The following PLXNA1 variants were observed in gnomAD, a reference collection of about 807,000 sequenced individuals.
PLXNA1 encodes the protein plexin A1.
PLXNA1 carries 77 observed loss-of-function variants against 191.7 expected under a neutral mutation model. The ratio of observed to expected loss-of-function variants is 0.40; its 90% CI spans 0.33 to 0.49. The LOEUF is 0.49. Among genes scored for constraint, PLXNA1 ranks in the 20% least tolerant of loss-of-function variants. The pLI is 0.63. For missense variants in PLXNA1, 2,110 were observed against 2,660.2 expected, an observed-to-expected ratio of 0.79 and a Z score of 4.55; for synonymous variants, 1,137 against 1,156.4, an observed-to-expected ratio of 0.98 and a Z score of 0.34.
At position 127,022,351 on chromosome 3, in the gene PLXNA1, G is replaced by T. The variant is rs370474043; in HGVS notation, c.4295+10G>T. 27 of 1,603,198 alleles carry T rather than the reference G, an allele frequency of 1.7e-5. No homozygotes were observed. The Admixed American group carries it at 4.5e-4, about 27-fold the overall frequency. On this transcript the variant is annotated intron_variant, in intron 22 of 31. Coordinates refer to ENST00000393409, the MANE Select transcript of PLXNA1 (RefSeq NM_032242.4). Reference sequence around the variant, plus strand: ...AGCTGCTACTGCGCCGGTGAGCCTGGGGGGCACTGGGGTTGGGGGAGGCAG... The same window carrying T: ...AGCTGCTACTGCGCCGGTGAGCCTGTGGGGCACTGGGGTTGGGGGAGGCAG...
At chr3:127,008,747 G>C (rs532571154) in intron 9 of PLXNA1, among the ~76,000 whole-genome samples, 2 of 152,144 alleles carry the variant, frequency 1.3e-5, no homozygotes, top group African/African-American at 4.8e-5. Flanking sequence ...CAGGCTGGGG[G>C]CTGGGGGCTG....
intron 2 of PLXNA1, among the ~76,000 whole-genome samples, chr3:126,990,681 A>T (rs1199730884): frequency 6.6e-6 from 1 of 152,224 alleles, no homozygotes; most frequent in Non-Finnish European, 1.5e-5. Flanking sequence ...TCCTCAGGGC[A>T]GAGTGGGACT....
In PLXNA1 at chr3:127,029,422, C is replaced by T; in HGVS notation, c.4774-18C>T. The T allele has an allele frequency of 6.2e-7, 1 of 1,612,394 alleles. No individual in the cohort carries two copies. Among genetic ancestry groups the T allele is most frequent in the Non-Finnish European group, 8.5e-7 (1 of 1,178,810 alleles). Reference sequence around the variant, plus strand: ...GGCACCCTGGTGGGTCACAGGGTCCCTGGCCCTCTGCCCACAGGTGACAGA... The same window carrying T: ...GGCACCCTGGTGGGTCACAGGGTCCTTGGCCCTCTGCCCACAGGTGACAGA... On this transcript the variant is annotated intron_variant, in intron 26 of 31. Coordinates refer to ENST00000393409, the MANE Select transcript of PLXNA1 (RefSeq NM_032242.4).
intron 9 of PLXNA1, among the ~76,000 whole-genome samples, chr3:127,009,455 C>CT (rs1171076118): frequency 2.0e-5 from 3 of 151,760 alleles, no homozygotes; most frequent in Admixed American, 1.3e-4. Flanking sequence ...AATACTTACT[C>CT]TTTTTTTTAG....
chr3:126,988,728 G>C lies in PLXNA1; in HGVS notation c.135G>C (p.Ser45=). ...GGSQPPFRTF[S]ASDWGLTHLV... is the part of the protein sequence containing the mutation. ...CACAGCCCCCCTTCCGCACCTTCTC[G>C]GCCAGCGACTGGGGCCTCACCCACC... Residue 45 remains serine (S), a synonymous_variant, in exon 2 of 32, where the codon TCG becomes TCC. Coordinates refer to ENST00000393409, the MANE Select transcript of PLXNA1 (RefSeq NM_032242.4). 6 of 1,580,792 alleles carry C rather than the reference G, an allele frequency of 3.8e-6. No individual in the cohort carries two copies. Among genetic ancestry groups the C allele is most frequent in the Non-Finnish European group, 5.2e-6 (6 of 1,160,500 alleles).
At chr3:127,028,595 G>A (rs1036921224) in intron 25 of PLXNA1, among the ~76,000 whole-genome samples, 4 of 152,130 alleles carry the variant, frequency 2.6e-5, no homozygotes, top group Non-Finnish European at 2.9e-5. Flanking sequence ...GGAGCCCTGA[G>A]GGGGATACTC....
chr3:127,001,217 C>G (rs183124985), intron 3 of PLXNA1, among the ~76,000 whole-genome samples: 2 of 152,168 alleles, frequency 1.3e-5, no homozygotes, highest in Non-Finnish European at 2.9e-5. Flanking sequence ...TGGACCTGCC[C>G]TTCTGTGACC....
chr3:127,034,307 C>A lies in PLXNA1; in HGVS notation c.*290C>A. On this transcript the variant is annotated 3_prime_UTR_variant, in exon 32 of 32. Coordinates refer to ENST00000393409, the MANE Select transcript of PLXNA1 (RefSeq NM_032242.4). ...CCTTCATTGCCTGGCAAGAGCTGCC[C>A]AGTGGCCTTCATGGGAGAAGGGCTG... 1 of 350,598 alleles carries A rather than the reference C, an allele frequency of 2.9e-6. No homozygotes were observed. 21.7% of individuals were successfully genotyped at this position (350,598 alleles called of 1,614,324 possible). A position where few individuals can be genotyped will look rare whatever the true frequency, so the allele number is the denominator to read the frequency against.
Position 127,017,602 on chromosome 3 carries a change from C to G in PLXNA1, c.3454C>G (p.Leu1152Val). The G allele has an allele frequency of 3.7e-6, 6 of 1,613,720 alleles. No individual in the cohort carries two copies. The highest frequency in any genetic ancestry group is 5.1e-6 in the Non-Finnish European group (6 of 1,180,032). Residue 1152 changes from leucine (L) to valine (V), a missense_variant, in exon 18 of 32, where the codon CTG (leucine) becomes GTG (valine). By Grantham distance (32) the Leu-to-Val change is conservative. Transcript: ENST00000393409. ...TSFLYYPDPV[L>V]EPLSPTGLLE... is the part of the protein sequence containing the mutation. ...CTTCCTCTACTACCCTGACCCCGTA[C>G]TGGAGCCACTCAGCCCCACTGGCCT...
Position 126,988,932 on chromosome 3 carries a change from C to A in PLXNA1, c.339C>A (p.Asn113Lys). 1 of 1,613,218 alleles carries A rather than the reference C, an allele frequency of 6.2e-7. No individual in the cohort carries two copies. The highest frequency in any genetic ancestry group is 8.5e-7 in the Non-Finnish European group (1 of 1,180,010). The change falls in exon 2 of 32, where the codon AAC (asparagine) becomes AAA (lysine). Residue 113 changes from asparagine to lysine, a missense_variant. This residue lies in a region of PLXNA1 where 903 missense variants were observed against 1,015.7 expected (regional missense o/e 0.89). Transcript: ENST00000393409. ...SCPHGLGSTD[N>K]VNKLLLLDYA... The stretch of plus-strand genomic sequence containing the variant: ...CCCACGGCCTGGGCAGTACTGACAA[C>A]GTCAACAAGCTGCTGCTGCTGGACT...
intron 15 of PLXNA1, among the ~76,000 whole-genome samples, chr3:127,016,178 G>A (rs1335990812): frequency 6.6e-6 from 1 of 151,870 alleles, no homozygotes; most frequent in Admixed American, 6.5e-5. Context: ...CTGCCTCTGG[G>A]GAGGCAGAGG....
Position 127,018,281 on chromosome 3 carries a change from C to T in PLXNA1, c.3661-13C>T. The T allele has an allele frequency of 6.3e-7, 1 of 1,582,058 alleles. No homozygotes were observed. The highest frequency in any genetic ancestry group is 8.6e-7 in the Non-Finnish European group (1 of 1,162,008). ...GCATGGGAAGCTCCTGAGTGGCCTC[C>T]ACCCACTGGCAGGTGCGGGCAGGTG... is the stretch of plus-strand genomic sequence containing the variant. On this transcript the variant is annotated splice_polypyrimidine_tract_variant and intron_variant, in intron 19 of 31. Transcript: ENST00000393409.
rs1465139388 is a variant in PLXNA1, at chr3:126,989,719, T to C, written c.1126T>C (p.Cys376Arg). The stretch of plus-strand genomic sequence containing the variant: ...GAAGATTAAGGAGCGCATCCAGTCC[T>C]GCTACCGTGGTGAGGGCAAGCTCTC... ...KEKIKERIQS[C>R]YRGEGKLSLP... Residue 376 changes from cysteine to arginine, a missense_variant, in exon 2 of 32, where the codon TGC becomes CGC. Physicochemically the swap from Cys to Arg is radical, Grantham distance 180 (BLOSUM62 -3). This residue lies in a region of PLXNA1 where 903 missense variants were observed against 1,015.7 expected (regional missense o/e 0.89). Transcript: ENST00000393409. The C allele has an allele frequency of 6.2e-7, 1 of 1,612,982 alleles. No individual in the cohort carries two copies.
chr3:127,034,257 A>G lies in PLXNA1; in HGVS notation c.*240A>G, dbSNP rs972810224. 1 of 458,974 alleles carries G rather than the reference A, an allele frequency of 2.2e-6. No homozygotes were observed. Among genetic ancestry groups the G allele is most frequent in the Non-Finnish European group, 3.9e-6 (1 of 256,746 alleles). The allele number at this position is 458,974 out of a possible 1,614,324, so 28.4% of individuals were successfully genotyped here. ...CTGCTTGCTCAGGGGCCGGGACAGC[A>G]CTGGGTGCTCAGGCTGGCCAAGGAC... On this transcript the variant is annotated 3_prime_UTR_variant, in exon 32 of 32. Transcript: ENST00000393409.
chr3:127,006,140 T>G lies in PLXNA1; in HGVS notation c.1959T>G (p.Ser653=), dbSNP rs759161761. 2.1e-5 allele frequency: 34 copies of G among 1,613,734 alleles called. 1 individual carries two copies. The South Asian group carries it at 2.2e-4, about 10-fold the overall frequency. The part of the protein sequence containing the change: ...KSKETGKKFA[S]VDFVFYNCSV... ...AGGAGACAGGGAAGAAGTTTGCGTCTGTGGACTTCGTCTTCTACAACTGCA... is the reference window on the plus strand; with the variant it reads ...AGGAGACAGGGAAGAAGTTTGCGTCGGTGGACTTCGTCTTCTACAACTGCA... The change falls in exon 8 of 32, where the codon TCT becomes TCG. Residue 653 remains serine (S), a synonymous_variant. Transcript: ENST00000393409.
In PLXNA1 at chr3:126,988,555, G is replaced by A; in HGVS notation, c.-39G>A. The A allele has an allele frequency of 6.9e-7, 1 of 1,441,434 alleles. No homozygotes were observed. Among genetic ancestry groups the A allele is most frequent in the Non-Finnish European group, 9.1e-7 (1 of 1,097,276 alleles). 89.3% of individuals were successfully genotyped at this position (1,441,434 alleles called of 1,614,324 possible). Reference sequence around the variant, plus strand: ...TCCTGGCACCATGATGCTCACCCCAGCAGGACCAGAGCACCGAGGCCCAAG... The same window carrying A: ...TCCTGGCACCATGATGCTCACCCCAACAGGACCAGAGCACCGAGGCCCAAG... On this transcript the variant is annotated 5_prime_UTR_variant, in exon 2 of 32. Transcript: ENST00000393409.
rs1418308024 is a variant in PLXNA1 at position 126,989,607 on chromosome 3, C to G, written c.1014C>G (p.Phe338Leu). The part of the protein sequence containing the change: ...LGLAEDEDVL[F>L]TVFAQGQKNR... ...TGGCTGAGGACGAGGACGTGCTGTT[C>G]ACTGTGTTCGCCCAGGGCCAGAAGA... Residue 338 changes from phenylalanine (F) to leucine (L), a missense_variant, in exon 2 of 32, where the codon TTC (phenylalanine) becomes TTG (leucine). Phe to Leu is a conservative substitution (Grantham distance 22, BLOSUM62 0). Coordinates refer to ENST00000393409, the MANE Select transcript of PLXNA1 (RefSeq NM_032242.4). The G allele has an allele frequency of 2.5e-6, 4 of 1,613,124 alleles. No individual in the cohort carries two copies. The highest frequency in any genetic ancestry group is 3.4e-6 in the Non-Finnish European group (4 of 1,180,036).
At position 126,989,289 on chromosome 3, in the gene PLXNA1, T is replaced by G. The variant is rs2078977401; in HGVS notation, c.696T>G (p.Pro232=). The G allele has an allele frequency of 6.2e-7, 1 of 1,613,572 alleles. No homozygotes were observed. The highest frequency in any genetic ancestry group is 1.3e-5 in the African/African-American group (1 of 74,958). The change falls in exon 2 of 32, where the codon CCT becomes CCG. Residue 232 remains proline, a synonymous_variant. Coordinates refer to ENST00000393409, the MANE Select transcript of PLXNA1 (RefSeq NM_032242.4). ...DEFVSSQLKI[P]SDTLSKFPAF... is the part of the protein sequence containing the mutation. ...TTGTGTCATCACAGCTCAAGATCCC[T>G]TCGGACACGCTGTCCAAGTTCCCGG...
At chr3:127,025,069 C>G (rs2079170327) in intron 23 of PLXNA1, among the ~76,000 whole-genome samples, 1 of 152,162 alleles carries the variant, frequency 6.6e-6, no homozygotes, top group Non-Finnish European at 1.5e-5. Context: ...TGCCAGGAGA[C>G]ATCTTCACCA....
Sources: gnomAD v4.1 joint callset for allele counts (sites outside exome capture counted in the v4.1 genomes callset) on GRCh38, gnomAD v4.1.1 for gene constraint, gnomAD v4.1.1 regional missense constraint, MANE v1.5 for transcripts, NCBI Gene and HGNC (gene_info 2026-07-23, HGNC 2026-07-21) for gene names.